CSMD3: variants seen among roughly 807,000 people sequenced by gnomAD.
CSMD3 encodes CUB and sushi domain-containing protein 3.
In CSMD3, 177 loss-of-function variants were observed where a neutral mutation model predicts 435.2. The ratio of observed to expected loss-of-function variants is 0.41; its 90% CI spans 0.36 to 0.46. The LOEUF is 0.46. Ranked by LOEUF, CSMD3 falls within the 20% of genes least tolerant of loss-of-function variation. The pLI, the probability that CSMD3 is intolerant of heterozygous loss-of-function variation, is 0.34. For synonymous variants in CSMD3, 1,656 were observed against 1,520.5 expected (o/e 1.09, Z -2.07); for missense variants, 4,265 against 4,504.6 (o/e 0.95, Z 1.52).
Position 112,255,401 on chromosome 8 carries a change from G to T in CSMD3, c.9889C>A (p.Pro3297Thr), listed in dbSNP as rs574917618. 1 of 1,613,412 alleles carries T rather than the reference G, an allele frequency of 6.2e-7. No homozygotes were observed. Among genetic ancestry groups the T allele is most frequent in the Non-Finnish European group, 8.5e-7 (1 of 1,179,738 alleles). The change falls in exon 62 of 71, where the codon CCT (proline) becomes ACT (threonine). Residue 3297 changes from proline (P) to threonine (T), a missense_variant. Pro to Thr is a conservative substitution (Grantham distance 38). Transcript: ENST00000297405. ...LPKFCGDPGI[P>T]AQGKREGKSF... ...TTGCCTTCTCTTTTTCCTTGGGCAG[G>T]TATACCAGGGTCACCACAAAACTTT...
chr8:113,077,364 A>G (rs2089385518), intron 5 of CSMD3, among the ~76,000 whole-genome samples: 1 of 152,150 alleles, frequency 6.6e-6, no homozygotes, highest in Non-Finnish European at 1.5e-5. Flanking sequence ...ATAAAATTAA[A>G]GTTTAAAAAC....
chr8:113,078,852 C>A (rs971116369), intron 5 of CSMD3, among the ~76,000 whole-genome samples: 1 of 152,140 alleles, frequency 6.6e-6, no homozygotes, highest in Admixed American at 6.5e-5. Context: ...TCACAAAATA[C>A]CTTCAAAGCT....
intron 2 of CSMD3, among the ~76,000 whole-genome samples, chr8:113,308,830 T>C (rs2093844457): frequency 6.6e-6 from 1 of 152,158 alleles, no homozygotes; most frequent in South Asian, 2.1e-4. Flanking sequence ...AGCCACAAAG[T>C]TTATATATGC....
intron 30 of CSMD3, among the ~76,000 whole-genome samples, chr8:112,494,491 TCTCC>T (rs1821056039): frequency 1.0e-5 from 1 of 100,496 alleles, no homozygotes. Flanking sequence ...TGTTTCTTTC[TCTCC>T]TTTCTTTCTT....
In CSMD3 at chr8:113,411,004, GAA is replaced by G. The variant is rs1188796101; in HGVS notation, c.178+25671_178+25672del. On this transcript the variant is annotated intron_variant, in intron 1 of 70. Coordinates refer to ENST00000297405, the MANE Select transcript of CSMD3 (RefSeq NM_198123.2). Reference sequence around the variant, plus strand: ...GAAGGAAGGAAAAGAAAGAAAGAAAGAAAAGAAAGAAAAATAAAGAAAGAAAA... The same window carrying G: ...GAAGGAAGGAAAAGAAAGAAAGAAAGAAGAAAGAAAAATAAAGAAAGAAAA... Among the ~76,000 whole-genome samples, 6 of 148,066 alleles carry G rather than the reference GAA, an allele frequency of 4.1e-5. No homozygotes were observed. The East Asian group carries it at 1.2e-3, about 29-fold the overall frequency.
At chr8:112,432,433 G>A (rs1294334738) in intron 32 of CSMD3, among the ~76,000 whole-genome samples, 1 of 151,948 alleles carries the variant, frequency 6.6e-6, no homozygotes, top group Non-Finnish European at 1.5e-5. Flanking sequence ...CCTCCTAAGT[G>A]ACTGAGACCA....
chr8:113,114,724 G>A (rs2090771300), intron 4 of CSMD3, among the ~76,000 whole-genome samples: 1 of 152,114 alleles, frequency 6.6e-6, no homozygotes, highest in African/African-American at 2.4e-5. Context: ...TTTTAGGGTT[G>A]GAGATGAATT....
chr8:113,053,694 T>C (rs1025117948), intron 5 of CSMD3, among the ~76,000 whole-genome samples: 1 of 152,136 alleles, frequency 6.6e-6, no homozygotes, highest in Admixed American at 6.5e-5. Context: ...TCCTATAATG[T>C]GTCTCCTTTA....
At chr8:112,493,229 C>T (rs11996520) in intron 30 of CSMD3, among the ~76,000 whole-genome samples, 2,636 of 151,844 alleles carry the variant, frequency 0.017, 78 homozygotes, top group African/African-American at 0.06. Flanking sequence ...ATTTAGTATC[C>T]AATGCATATA....
chr8:113,210,046 G>GT lies in CSMD3; in HGVS notation c.515-36131_515-36130insA, dbSNP rs2092815906. 2.8e-5 allele frequency among the ~76,000 whole-genome samples: 4 copies of GT among 140,810 alleles called. No individual in the cohort carries two copies. The South Asian group carries it at 6.9e-4, about 24-fold the overall frequency. The allele number at this position is 140,810 out of a possible 152,430, so 92.4% of individuals were successfully genotyped here. A position where few individuals can be genotyped will look rare whatever the true frequency, so the allele number is the denominator to read the frequency against. ...TGTGTGTGTGTGTGTGTGTGTGTGT[G>GT]ATACACAGTGTTTTCTAATTTTAAA... On this transcript the variant is annotated intron_variant, in intron 3 of 70. Transcript: ENST00000297405.
intron 10 of CSMD3, among the ~76,000 whole-genome samples, chr8:112,862,093 A>G (rs1213700256): frequency 6.6e-6 from 1 of 151,982 alleles, no homozygotes; most frequent in East Asian, 1.9e-4. Flanking sequence ...CTTCTATGAA[A>G]ATGATTTTCT....
At chr8:112,873,223 A>G (rs1050026835) in intron 10 of CSMD3, among the ~76,000 whole-genome samples, 1 of 152,046 alleles carries the variant, frequency 6.6e-6, no homozygotes, top group Non-Finnish European at 1.5e-5. Flanking sequence ...AGCTAGAACT[A>G]ACCATTAAAC....
intron 9 of CSMD3, among the ~76,000 whole-genome samples, chr8:112,927,887 T>C (rs2082962043): frequency 6.6e-6 from 1 of 152,154 alleles, no homozygotes; most frequent in East Asian, 1.9e-4. Context: ...TGGATATTGT[T>C]ACTGGGTATC....
In CSMD3 at chr8:112,431,618, A is replaced by G. The variant is rs1469351005; in HGVS notation, c.5396-22586T>C. On this transcript the variant is annotated intron_variant, in intron 32 of 70. Coordinates refer to ENST00000297405, the MANE Select transcript of CSMD3 (RefSeq NM_198123.2). Reference sequence around the variant, plus strand: ...ATGATGGATGAATTCTGTATAGTGCACTACTCAATAAATATATGAAGGCCA... The same window carrying G: ...ATGATGGATGAATTCTGTATAGTGCGCTACTCAATAAATATATGAAGGCCA... Among the ~76,000 whole-genome samples, 3 of 152,130 alleles carry G rather than the reference A, an allele frequency of 2.0e-5. No homozygotes were observed. The East Asian group carries it at 5.8e-4, about 29-fold the overall frequency.
chr8:113,167,238 T>A (rs913109578), intron 4 of CSMD3, among the ~76,000 whole-genome samples: 1 of 152,190 alleles, frequency 6.6e-6, no homozygotes, highest in African/African-American at 2.4e-5. Context: ...ATTACTTCTA[T>A]AAGATTTTTA....
chr8:112,757,574 T>C (rs2077729511), intron 13 of CSMD3, among the ~76,000 whole-genome samples: 1 of 152,138 alleles, frequency 6.6e-6, no homozygotes, highest in Non-Finnish European at 1.5e-5. Flanking sequence ...GGCTGTCTCT[T>C]AATTTGGGGG....
intron 3 of CSMD3, among the ~76,000 whole-genome samples, chr8:113,246,381 G>A (rs1450001598): frequency 1.3e-5 from 2 of 151,682 alleles, no homozygotes; most frequent in African/African-American, 4.8e-5. Context: ...TTTTATTTTA[G>A]TTGTTATACT....
At chr8:112,752,888 T>C (rs2077602872) in intron 13 of CSMD3, among the ~76,000 whole-genome samples, 1 of 149,478 alleles carries the variant, frequency 6.7e-6, no homozygotes, top group Non-Finnish European at 1.5e-5. Flanking sequence ...AGCCCTTCAG[T>C]ATTTGTTACC....
At chr8:112,834,048 T>C (rs2079953939) in intron 11 of CSMD3, among the ~76,000 whole-genome samples, 1 of 151,988 alleles carries the variant, frequency 6.6e-6, no homozygotes, top group Non-Finnish European at 1.5e-5. Flanking sequence ...TATAGTATGA[T>C]CATATCCTAA....
Sources: allele counts gnomAD v4.1 joint callset (sites outside exome capture counted in the v4.1 genomes callset), GRCh38; gene constraint gnomAD v4.1.1; transcripts MANE v1.5; gene names NCBI Gene and HGNC (gene_info 2026-07-23, HGNC 2026-07-21).